Variants in ARHGEF6 observed in about 807,000 individuals in gnomAD.
ARHGEF6 encodes the protein Rac/Cdc42 guanine nucleotide exchange factor 6, also known as rho guanine nucleotide exchange factor 6.
ARHGEF6 carries 9 observed loss-of-function variants against 70.3 expected under a neutral mutation model. The observed-to-expected ratio is 0.13, with a 90% CI of 0.08 to 0.22. ARHGEF6 has a LOEUF of 0.22. Ranked by LOEUF, ARHGEF6 falls within the 10% of genes least tolerant of loss-of-function variation. The pLI is 1.00. For missense variants in ARHGEF6, 470 were observed against 563.0 expected, an observed-to-expected ratio of 0.83 and a Z score of 1.67; for synonymous variants, 201 against 207.8, an observed-to-expected ratio of 0.97 and a Z score of 0.28.
chrX:136,703,544 C>A (rs765920027), intron 9 of ARHGEF6, among the ~76,000 whole-genome samples: 2 of 111,992 alleles, frequency 1.8e-5, no homozygotes, highest in Non-Finnish European at 3.8e-5. Flanking sequence ...TTTCCTGAGA[C>A]GGAGTTTCAC....
intron 2 of ARHGEF6, among the ~76,000 whole-genome samples, chrX:136,757,783 C>A (rs1188699609): frequency 8.9e-6 from 1 of 111,844 alleles, no homozygotes; most frequent in East Asian, 2.8e-4. Context: ...CATGCTGCCT[C>A]TGTCCAATAG....
At chrX:136,731,436 T>C (rs773650909) in intron 6 of ARHGEF6, among the ~76,000 whole-genome samples, 6 of 111,996 alleles carry the variant, frequency 5.4e-5, no homozygotes, top group Non-Finnish European at 9.4e-5. Context: ...AATCATGACT[T>C]GACCTTTAAA....
chrX:136,767,523 T>C, intron 2 of ARHGEF6: 1 of 754,774 alleles, frequency 1.3e-6, no homozygotes, highest in African/African-American at 2.3e-5. Flanking sequence ...CTTGTTGCCA[T>C]AGCCGTGCCG....
At position 136,680,884 on chromosome X, in the gene ARHGEF6, C is replaced by T. The variant is rs2076327182; in HGVS notation, c.1559-8G>A. The T allele has an allele frequency of 8.3e-7, 1 of 1,209,757 alleles. No individual in the cohort carries two copies. The highest frequency in any genetic ancestry group is 1.8e-5 in the African/African-American group (1 of 57,139). On this transcript the variant is annotated splice_polypyrimidine_tract_variant and splice_region_variant and intron_variant, in intron 14 of 21. Coordinates refer to ENST00000250617, the MANE Select transcript of ARHGEF6 (RefSeq NM_004840.3). ...TTCTCTCCACTGTGTTACCTACATC[C>T]CCCAATTATGATCAGTTTGAAAACA...
At chrX:136,711,798 T>G (rs976537153) in intron 7 of ARHGEF6, among the ~76,000 whole-genome samples, 1 of 111,979 alleles carries the variant, frequency 8.9e-6, no homozygotes, top group Non-Finnish European at 1.9e-5. Context: ...TGGCCTCAAG[T>G]GATCCACCCG....
intron 6 of ARHGEF6, among the ~76,000 whole-genome samples, chrX:136,727,325 T>TTCTTTTTCTTTCTTTCTTTCTTTC (rs1556284733): frequency 1.1e-4 from 7 of 61,110 alleles, no homozygotes; most frequent in East Asian, 6.1e-4. Flanking sequence ...CTTTCTTTCT[T>TTCTTTTTCTTTCTTTCTTTCTTTC]TTTCTTTCTT....
At chrX:136,726,908 G>C (rs1394415508) in intron 6 of ARHGEF6, among the ~76,000 whole-genome samples, 1 of 112,637 alleles carries the variant, frequency 8.9e-6, no homozygotes, top group African/African-American at 3.2e-5. Context: ...TGCAATAGTT[G>C]CAGTGAATAA....
In ARHGEF6 at chrX:136,681,971, A is replaced by G. The variant is rs138342895; in HGVS notation, c.1480-3T>C. 9.3e-4 allele frequency: 1,103 copies of G among 1,188,161 alleles called. 5 individuals are homozygous for G. In the African/African-American group the frequency reaches 0.014, roughly 15 times the overall value. On this transcript the variant is annotated splice_region_variant and splice_polypyrimidine_tract_variant and intron_variant, in intron 13 of 21. Coordinates refer to ENST00000250617, the MANE Select transcript of ARHGEF6 (RefSeq NM_004840.3). Reference sequence around the variant, plus strand: ...GTTCCTGCTATTGGTATTTTTCCCTATTAGAAAAAGAACATTCTCATTAAT... The same window carrying G: ...GTTCCTGCTATTGGTATTTTTCCCTGTTAGAAAAAGAACATTCTCATTAAT...
chrX:136,777,330 CAT>C (rs1483297807), intron 2 of ARHGEF6, among the ~76,000 whole-genome samples: 2 of 110,864 alleles, frequency 1.8e-5, no homozygotes, highest in African/African-American at 3.3e-5. Context: ...GGCCAAGAAA[CAT>C]ATGAAAAAAT....
At chrX:136,691,076 C>T (rs2076453297) in intron 9 of ARHGEF6, among the ~76,000 whole-genome samples, 1 of 111,174 alleles carries the variant, frequency 9.0e-6, no homozygotes, top group South Asian at 3.8e-4. Flanking sequence ...AAAAAATCCC[C>T]ACCCTTAAGG....
chrX:136,706,897 T>C lies in ARHGEF6; in HGVS notation c.1046+11A>G. ...CTCATTGCAAAAGTTGGGGAAATGT[T>C]AACTATTTACCTGTGCTGAGTGAGC... On this transcript the variant is annotated intron_variant, in intron 9 of 21. Coordinates refer to ENST00000250617, the MANE Select transcript of ARHGEF6 (RefSeq NM_004840.3). 8.3e-7 allele frequency: 1 copy of C among 1,211,580 alleles called. No individual in the cohort carries two copies. The highest frequency in any genetic ancestry group is 1.1e-6 in the Non-Finnish European group (1 of 895,348).
At chrX:136,706,743 T>C (rs1049500913) in intron 9 of ARHGEF6, among the ~76,000 whole-genome samples, 165 bp downstream of exon 9, 3 of 112,189 alleles carry the variant, frequency 2.7e-5, no homozygotes, top group African/African-American at 9.7e-5. Flanking sequence ...TGCTCAAGAA[T>C]TTATTCATTG....
chrX:136,670,928 G>A (rs989233166), intron 20 of ARHGEF6, among the ~76,000 whole-genome samples: 2 of 111,785 alleles, frequency 1.8e-5, no homozygotes, highest in African/African-American at 3.3e-5. Flanking sequence ...TTTTGGTTCT[G>A]ATCCTGCCAC....
chrX:136,677,704 T>A (rs1034314016), intron 17 of ARHGEF6, among the ~76,000 whole-genome samples: 14 of 110,027 alleles, frequency 1.3e-4, no homozygotes, highest in Non-Finnish European at 1.7e-4. Context: ...AAACAGAATT[T>A]AAAAAAAAAC....
At chrX:136,698,102 T>A (rs1703196880) in intron 9 of ARHGEF6, among the ~76,000 whole-genome samples, 1 of 111,692 alleles carries the variant, frequency 9.0e-6, no homozygotes, top group African/African-American at 3.3e-5. Flanking sequence ...ATTCTAGAGT[T>A]TAAAAGTAAA....
intron 5 of ARHGEF6, among the ~76,000 whole-genome samples, chrX:136,741,533 T>TG (rs1397697371): frequency 4.6e-5 from 5 of 108,703 alleles, no homozygotes; most frequent in African/African-American, 1.7e-4. Context: ...TTCTTTTTTT[T>TG]TTTTTGTGTG....
rs780524327 is a variant in ARHGEF6 at position 136,780,768 on chromosome X, C to T, written c.115G>A (p.Val39Ile). ...EFLKSSLKNG[V>I]VLCKLINRLM... ...CTGTTGATCAGTTTGCACAGAACTACCCCATTTTTCAGCGAGGACTTTAAA... is the reference window on the plus strand; with the variant it reads ...CTGTTGATCAGTTTGCACAGAACTATCCCATTTTTCAGCGAGGACTTTAAA... Residue 39 changes from valine (V) to isoleucine (I), a missense_variant, in exon 1 of 22, where the codon GTA (valine) becomes ATA (isoleucine). Coordinates refer to ENST00000250617, the MANE Select transcript of ARHGEF6 (RefSeq NM_004840.3). The T allele has an allele frequency of 1.5e-5, 18 of 1,209,131 alleles. No individual in the cohort carries two copies. In the South Asian group the frequency reaches 1.6e-4, roughly 11 times the overall value.
chrX:136,745,148 T>G lies in ARHGEF6; in HGVS notation c.459+75A>C. ...CAACCCGGATGGCTGTCTCACCACA[T>G]ATGGAGATGCAACTAGGATATCAAT... is the stretch of plus-strand genomic sequence containing the variant. On this transcript the variant is annotated intron_variant, in intron 4 of 21. Coordinates refer to ENST00000250617, the MANE Select transcript of ARHGEF6 (RefSeq NM_004840.3). The G allele has an allele frequency of 2.6e-6, 3 of 1,157,283 alleles. No homozygotes were observed. The South Asian group carries it at 5.4e-5, about 21-fold the overall frequency.
intron 2 of ARHGEF6, among the ~76,000 whole-genome samples, chrX:136,778,008 G>A (rs935640097): frequency 3.6e-5 from 4 of 110,996 alleles, no homozygotes; most frequent in African/African-American, 1.3e-4. Context: ...AGTAGGGTGA[G>A]GGATAAAAGA....
Sources: allele counts gnomAD v4.1 joint callset (sites outside exome capture counted in the v4.1 genomes callset), GRCh38; gene constraint gnomAD v4.1.1; transcripts MANE v1.5; gene names NCBI Gene and HGNC (gene_info 2026-07-23, HGNC 2026-07-21).